REC114: variants seen among roughly 807,000 people sequenced by gnomAD.
REC114 encodes the protein meiotic recombination protein REC114.
A neutral mutation model predicts 31.3 loss-of-function variants in REC114; 27 were observed. The ratio of observed to expected loss-of-function variants is 0.86; its 90% CI spans 0.64 to 1.19. REC114 has a LOEUF of 1.19. Ranked by LOEUF, REC114 falls within the 50% of genes most tolerant of loss-of-function variation. The pLI, the probability that REC114 is intolerant of heterozygous loss-of-function variation, is 0.00. For synonymous variants in REC114, 134 were observed against 127.7 expected (o/e 1.05, Z -0.33); for missense variants, 344 against 326.9 (o/e 1.05, Z -0.40).
intron 2 of REC114, among the ~76,000 whole-genome samples, chr15:73,524,012 T>G (rs1347298586): frequency 6.6e-6 from 1 of 152,196 alleles, no homozygotes; most frequent in African/African-American, 2.4e-5. Flanking sequence ...ACAAGGGGTC[T>G]TCAAAAAGTT....
chr15:73,509,207 A>AT (rs1255031735), intron 2 of REC114, among the ~76,000 whole-genome samples: 1 of 151,794 alleles, frequency 6.6e-6, no homozygotes, highest in Non-Finnish European at 1.5e-5. Flanking sequence ...GATGATGAGC[A>AT]TTTTTTCATG....
intron 1 of REC114, among the ~76,000 whole-genome samples, chr15:73,454,209 G>C (rs970471490): frequency 6.6e-6 from 1 of 152,172 alleles, no homozygotes; most frequent in African/African-American, 2.4e-5. Context: ...GAGAATGGAG[G>C]TTTATCAGTG....
At chr15:73,554,774 C>G (rs543350536) in intron 4 of REC114, among the ~76,000 whole-genome samples, 18 of 152,348 alleles carry the variant, frequency 1.2e-4, no homozygotes, top group Middle Eastern at 3.4e-3. Context: ...CTAGAGCCCG[C>G]TAGCCTCAGG....
chr15:73,557,428 A>AAAAAAG (rs1894486186), intron 5 of REC114, among the ~76,000 whole-genome samples: 1 of 151,420 alleles, frequency 6.6e-6, no homozygotes, highest in Admixed American at 6.6e-5. Context: ...AAAAAAAAAA[A>AAAAAAG]AAAAAGAAAA....
At chr15:73,510,182 G>A (rs1305051554) in intron 2 of REC114, among the ~76,000 whole-genome samples, 1 of 151,986 alleles carries the variant, frequency 6.6e-6, no homozygotes, top group Non-Finnish European at 1.5e-5. Flanking sequence ...GGATTCCTAG[G>A]TATTTTATTC....
chr15:73,544,574 A>G (rs760555589), intron 3 of REC114, among the ~76,000 whole-genome samples: 4 of 152,198 alleles, frequency 2.6e-5, no homozygotes, highest in African/African-American at 4.8e-5. Flanking sequence ...CAATAGACAT[A>G]TAATTCCTTA....
intron 2 of REC114, among the ~76,000 whole-genome samples, chr15:73,492,494 A>G (rs1356490745): frequency 3.9e-5 from 6 of 152,220 alleles, no homozygotes; most frequent in Non-Finnish European, 7.3e-5. Flanking sequence ...TTTGTTGGGC[A>G]TACAACTAGG....
intron 2 of REC114, among the ~76,000 whole-genome samples, chr15:73,481,832 T>C (rs1204760134): frequency 1.3e-5 from 2 of 151,860 alleles, no homozygotes; most frequent in East Asian, 3.9e-4. Flanking sequence ...GGCTAATGTT[T>C]GTATTTTTAG....
At chr15:73,526,391 T>G (rs1894008450) in intron 2 of REC114, among the ~76,000 whole-genome samples, 3 of 152,196 alleles carry the variant, frequency 2.0e-5, no homozygotes, top group Non-Finnish European at 4.4e-5. Context: ...TCTTTTTCCC[T>G]CTTTTCGTTA....
rs985973169 is a variant in REC114, at chr15:73,556,458, CT to C, written c.636+70del. 5 of 1,330,346 alleles carry C rather than the reference CT, an allele frequency of 3.8e-6. No homozygotes were observed. In the African/African-American group the frequency reaches 7.3e-5, roughly 20 times the overall value. 82.4% of individuals were successfully genotyped at this position (1,330,346 alleles called of 1,614,324 possible). ...CAGTGACCCCTAAGAATTTGTATCC[CT>C]TTGTTCAATTCTTTGTTTTAGGAGA... On this transcript the variant is annotated intron_variant, in intron 5 of 5. Coordinates refer to ENST00000331090, the MANE Select transcript of REC114 (RefSeq NM_001042367.2).
intron 2 of REC114, among the ~76,000 whole-genome samples, chr15:73,486,463 A>G (rs1567866248): frequency 6.6e-6 from 1 of 152,226 alleles, no homozygotes; most frequent in Non-Finnish European, 1.5e-5. Flanking sequence ...AAAACCAGGG[A>G]ATAACGCCTT....
At chr15:73,450,667 A>G (rs1268625684) in intron 1 of REC114, among the ~76,000 whole-genome samples, 1 of 152,208 alleles carries the variant, frequency 6.6e-6, no homozygotes, top group East Asian at 1.9e-4. Flanking sequence ...TCCACCCCAA[A>G]TCGAGAGAAT....
chr15:73,545,845 T>C (rs1260483379), intron 3 of REC114, among the ~76,000 whole-genome samples: 2 of 152,198 alleles, frequency 1.3e-5, no homozygotes, highest in East Asian at 1.9e-4. Flanking sequence ...AGAAAGTTAA[T>C]TGCAGAATCC....
In REC114 at chr15:73,556,393, T is replaced by A. The variant is rs1894468733; in HGVS notation, c.636+2T>A. 6.2e-7 allele frequency: 1 copy of A among 1,611,404 alleles called. No individual in the cohort carries two copies. The highest frequency in any genetic ancestry group is 2.2e-5 in the East Asian group (1 of 44,842). On this transcript the variant is annotated splice_donor_variant, in intron 5 of 5. Coordinates refer to ENST00000331090, the MANE Select transcript of REC114 (RefSeq NM_001042367.2). LOFTEE classifies it high-confidence loss of function. ...ACCTCACTGACGCAGTTAGCTCAGG[T>A]AGAGCTTATTTCTGTGTTCAATTTT...
intron 1 of REC114, among the ~76,000 whole-genome samples, chr15:73,471,722 A>T (rs1893135344): frequency 6.6e-6 from 1 of 152,200 alleles, no homozygotes; most frequent in Non-Finnish European, 1.5e-5. Flanking sequence ...ATATGTAAGA[A>T]TGTTCATAAC....
intron 1 of REC114, among the ~76,000 whole-genome samples, chr15:73,459,580 G>A (rs1892962585): frequency 1.3e-5 from 2 of 152,178 alleles, no homozygotes; most frequent in Admixed American, 6.5e-5. Flanking sequence ...GATCCTAGCT[G>A]TAATTCCAGA....
intron 1 of REC114, among the ~76,000 whole-genome samples, chr15:73,456,142 C>A (rs1157539402): frequency 1.3e-5 from 2 of 152,030 alleles, no homozygotes; most frequent in South Asian, 4.1e-4. Context: ...GTTGGCTCAG[C>A]CTTTCTGAAA....
intron 3 of REC114, among the ~76,000 whole-genome samples, chr15:73,550,122 G>A (rs1230247636): frequency 1.3e-5 from 2 of 152,096 alleles, no homozygotes; most frequent in South Asian, 2.1e-4. Context: ...GTCCTGTTTC[G>A]GGAGGCTTTT....
chr15:73,518,738 G>A (rs774150847), intron 2 of REC114, among the ~76,000 whole-genome samples: 17 of 152,096 alleles, frequency 1.1e-4, no homozygotes, highest in East Asian at 3.9e-4. Flanking sequence ...CTATTTTAGC[G>A]GTAAAAAGAA....
Sources: gnomAD v4.1 joint callset for allele counts (sites outside exome capture counted in the v4.1 genomes callset) on GRCh38, gnomAD v4.1.1 for gene constraint, MANE v1.5 for transcripts, NCBI Gene and HGNC (gene_info 2026-07-23, HGNC 2026-07-21) for gene names.